The following GPRC6A variants were observed in gnomAD, a reference collection of about 807,000 sequenced individuals.
GPRC6A encodes G protein-coupled receptor family C group 6 member A.
GPRC6A carries 54 observed loss-of-function variants against 47.0 expected under a neutral mutation model. That is an observed-to-expected ratio of 1.15 (90% CI 0.92 to 1.44). GPRC6A has a LOEUF of 1.44. GPRC6A is among the 40% of genes most tolerant of loss of function. The pLI, the probability that GPRC6A is intolerant of heterozygous loss-of-function variation, is 0.00. For missense variants in GPRC6A, 1,112 were observed against 1,105.5 expected, an observed-to-expected ratio of 1.01 and a Z score of -0.08; for synonymous variants, 347 against 377.1, an observed-to-expected ratio of 0.92 and a Z score of 0.93.
chr6:116,798,958 G>A (rs1336614424), intron 4 of GPRC6A, among the ~76,000 whole-genome samples: 1 of 152,058 alleles, frequency 6.6e-6, no homozygotes, highest in African/African-American at 2.4e-5. Context: ...TAATCTGGGT[G>A]AGAAGTGATT....
chr6:116,826,174 A>G (rs1356528589), intron 1 of GPRC6A, among the ~76,000 whole-genome samples: 2 of 151,948 alleles, frequency 1.3e-5, no homozygotes, highest in Non-Finnish European at 2.9e-5. Flanking sequence ...CAGACAACTA[A>G]AAGAAAAATA....
intron 1 of GPRC6A, among the ~76,000 whole-genome samples, chr6:116,815,928 G>A (rs114863834): frequency 7.9e-4 from 120 of 152,332 alleles, no homozygotes; most frequent in African/African-American, 2.8e-3. Context: ...TGGTCCTGCA[G>A]GCTGTACTGG....
intron 1 of GPRC6A, among the ~76,000 whole-genome samples, chr6:116,826,375 G>C (rs1456700529): frequency 6.6e-6 from 1 of 151,666 alleles, no homozygotes; most frequent in African/African-American, 2.4e-5. Flanking sequence ...AGTGGTCAAA[G>C]AACATGAACA....
In GPRC6A at chr6:116,793,049, T is replaced by A. The variant is rs184216909; in HGVS notation, c.1874A>T (p.Lys625Ile). The change falls in exon 6 of 6, where the codon AAA becomes ATA. Residue 625 changes from lysine (K) to isoleucine (I), a missense_variant. Coordinates refer to ENST00000310357, the MANE Select transcript of GPRC6A (RefSeq NM_148963.4). Reference sequence around the variant, plus strand: ...GCAGACTCTTAATCCCCCGGATGATTTCACAACAGGTGTGTTCAGGTTTCT... The same window carrying A: ...GCAGACTCTTAATCCCCCGGATGATATCACAACAGGTGTGTTCAGGTTTCT... Reference protein sequence around the residue: ...FTRNLNTPVVKSSGGLRVCYV... With the variant: ...FTRNLNTPVVISSGGLRVCYV... The A allele has an allele frequency of 2.2e-4, 358 of 1,614,022 alleles. 4 individuals carry two copies. In the Admixed American group the frequency reaches 5.8e-3, roughly 26 times the overall value.
At chr6:116,821,555 A>C (rs1411938728) in intron 1 of GPRC6A, among the ~76,000 whole-genome samples, 1 of 152,118 alleles carries the variant, frequency 6.6e-6, no homozygotes, top group African/African-American at 2.4e-5. Flanking sequence ...AAATAACGTC[A>C]CATATCTACA....
Position 116,795,791 on chromosome 6 carries a change from CATT to C in GPRC6A, c.1590_1592del (p.Met531del). On this transcript the variant is annotated inframe_deletion, in exon 5 of 6. Coordinates refer to ENST00000310357, the MANE Select transcript of GPRC6A (RefSeq NM_148963.4). ...TGTGTTGACTTCTTGTAGTTTTCTTCATTTGCCCAGGACTGCATTCCTTGGAGC... is the reference window on the plus strand; with the variant it reads ...TGTGTTGACTTCTTGTAGTTTTCTTCTGCCCAGGACTGCATTCCTTGGAGC... 6.2e-7 allele frequency: 1 copy of C among 1,609,082 alleles called. No homozygotes were observed. The highest frequency in any genetic ancestry group is 1.1e-5 in the South Asian group (1 of 90,884).
chr6:116,807,149 A>T lies in GPRC6A; in HGVS notation c.556T>A (p.Leu186Ile). The stretch of plus-strand genomic sequence containing the variant: ...TGGAAGTCACTGGGCACAGTCCGTA[A>T]AAATGAAGGAAAGCGAATTTTGTCA... ...LSDKIRFPSF[L>I]RTVPSDFHQI... The change falls in exon 3 of 6, where the codon TTA (leucine) becomes ATA (isoleucine). Residue 186 changes from leucine (L) to isoleucine (I), a missense_variant. Physicochemically the swap from Leu to Ile is conservative, Grantham distance 5. Coordinates refer to ENST00000310357, the MANE Select transcript of GPRC6A (RefSeq NM_148963.4). 1.2e-6 allele frequency: 2 copies of T among 1,613,548 alleles called. No homozygotes were observed. The highest frequency in any genetic ancestry group is 1.7e-6 in the Non-Finnish European group (2 of 1,179,708).
chr6:116,823,114 T>C (rs1445655994), intron 1 of GPRC6A, among the ~76,000 whole-genome samples: 1 of 152,136 alleles, frequency 6.6e-6, no homozygotes, highest in East Asian at 1.9e-4. Context: ...TTTTTTGTTT[T>C]GTTTTTTCTA....
intron 4 of GPRC6A, among the ~76,000 whole-genome samples, chr6:116,797,759 A>C (rs1772536010): frequency 6.6e-6 from 1 of 152,218 alleles, no homozygotes; most frequent in Non-Finnish European, 1.5e-5. Context: ...AATGAATCAG[A>C]GCATGTTTTA....
chr6:116,798,010 A>T (rs1342541377), intron 4 of GPRC6A, among the ~76,000 whole-genome samples: 1 of 152,220 alleles, frequency 6.6e-6, no homozygotes, highest in East Asian at 1.9e-4. Flanking sequence ...TTCACCAAAT[A>T]TTTGTTGAGT....
intron 2 of GPRC6A, among the ~76,000 whole-genome samples, chr6:116,807,483 T>G (rs1483110921): frequency 6.6e-6 from 1 of 152,204 alleles, no homozygotes; most frequent in Non-Finnish European, 1.5e-5. Flanking sequence ...CTTATATCTT[T>G]GGCCAGGGGC....
At chr6:116,819,945 A>C (rs1405638496) in intron 1 of GPRC6A, among the ~76,000 whole-genome samples, 3 of 150,212 alleles carry the variant, frequency 2.0e-5, no homozygotes, top group African/African-American at 7.4e-5. Context: ...GGATCAACAA[A>C]ATTGATAGAC....
rs1219870519 is a variant in GPRC6A at position 116,828,811 on chromosome 6, C to T, written c.194+9G>A. On this transcript the variant is annotated intron_variant, in intron 1 of 5. Transcript: ENST00000310357. ...TGAAATCTAAACGTGTTTTTTGAGA[C>T]TTACTCACCCAACACACTCCTGGAT... The T allele has an allele frequency of 2.5e-6, 4 of 1,601,440 alleles. No homozygotes were observed. Among genetic ancestry groups the T allele is most frequent in the Admixed American group, 3.4e-5 (2 of 58,998 alleles).
chr6:116,819,607 T>C (rs1202358517), intron 1 of GPRC6A, among the ~76,000 whole-genome samples: 66 of 152,278 alleles, frequency 4.3e-4, no homozygotes, highest in Non-Finnish European at 2.5e-4. Flanking sequence ...CCTGAATGAC[T>C]ACTGGGTACA....
Position 116,793,035 on chromosome 6 carries a change from A to G in GPRC6A, c.1888T>C (p.Leu630=), listed in dbSNP as rs1772365707. The G allele has an allele frequency of 6.2e-7, 1 of 1,613,946 alleles. No individual in the cohort carries two copies. Among genetic ancestry groups the G allele is most frequent in the Admixed American group, 1.7e-5 (1 of 59,978 alleles). ...NTPVVKSSGG[L]RVCYVILLCH... is the part of the protein sequence containing the mutation. The stretch of plus-strand genomic sequence containing the variant: ...AGAAGGATCACATAGCAGACTCTTA[A>G]TCCCCCGGATGATTTCACAACAGGT... Residue 630 remains leucine (L), a synonymous_variant, in exon 6 of 6, where the codon TTA becomes CTA. Transcript: ENST00000310357.
At position 116,800,588 on chromosome 6, in the gene GPRC6A, A is replaced by G. The variant is rs770428595; in HGVS notation, c.1544T>C (p.Leu515Pro). The G allele has an allele frequency of 2.2e-5, 35 of 1,610,434 alleles. No homozygotes were observed. In the Admixed American group the frequency reaches 5.7e-4, roughly 26 times the overall value. Residue 515 changes from leucine to proline, a missense_variant, in exon 4 of 6, where the codon CTT becomes CCT. Physicochemically the swap from Leu to Pro is moderately conservative, Grantham distance 98 (BLOSUM62 -3). Transcript: ENST00000310357. ...DQETKNEFRN[L>P]KQIQSKCSKE... ...AACGGCCTACAACAAGGTTACCTTA[A>G]GATTCCTGAACTCATTTTTTGTTTC...
At chr6:116,818,465 C>T (rs559883692) in intron 1 of GPRC6A, among the ~76,000 whole-genome samples, 28 of 112,248 alleles carry the variant, frequency 2.5e-4, no homozygotes, top group Admixed American at 2.0e-3. Flanking sequence ...ACCCGGGAGG[C>T]GGAGCTTGCA....
At chr6:116,800,476 G>C in intron 4 of GPRC6A, 108 bp downstream of exon 4, 1 of 669,942 alleles carries the variant, frequency 1.5e-6, no homozygotes, top group Admixed American at 2.0e-5. Flanking sequence ...TTGATTAACA[G>C]GGATTGTGTT....
intron 1 of GPRC6A, among the ~76,000 whole-genome samples, chr6:116,812,899 C>CTTCA (rs1389116297): frequency 6.6e-6 from 1 of 152,222 alleles, no homozygotes; most frequent in African/African-American, 2.4e-5. Flanking sequence ...TGATAAGCAA[C>CTTCA]TTCAGCAAAG....
Sources: allele counts gnomAD v4.1 joint callset (sites outside exome capture counted in the v4.1 genomes callset), GRCh38; gene constraint gnomAD v4.1.1; transcripts MANE v1.5; gene names NCBI Gene and HGNC (gene_info 2026-07-23, HGNC 2026-07-21).